The following JUP variants were observed in gnomAD, a reference collection of about 807,000 sequenced individuals.
JUP encodes junction plakoglobin, also known as catenin (cadherin-associated protein), gamma 80kDa.
JUP carries 28 observed loss-of-function variants against 71.1 expected under a neutral mutation model. That is an observed-to-expected ratio of 0.39 (90% CI 0.29 to 0.54). The LOEUF is 0.54. Among genes scored for constraint, JUP ranks in the 20% least tolerant of loss-of-function variants. JUP has a pLI of 0.62. For missense variants in JUP, 869 were observed against 1,030.1 expected (o/e 0.84, Z 2.14); for synonymous variants, 401 against 438.9 (o/e 0.91, Z 1.08).
At chr17:41,758,053 C>G (rs1466110460) in intron 10 of JUP, 1 of 553,468 alleles carries the variant, frequency 1.8e-6, no homozygotes, top group South Asian at 2.5e-5. Context: ...CTCTTCTTGT[C>G]TGTTATGGTA....
Position 41,769,175 on chromosome 17 carries a change from G to T in JUP, c.501C>A (p.Asn167Lys). 2 of 1,603,078 alleles carry T rather than the reference G, an allele frequency of 1.2e-6. No homozygotes were observed. Among genetic ancestry groups the T allele is most frequent in the Non-Finnish European group, 1.7e-6 (2 of 1,179,956 alleles). The change falls in exon 4 of 14, where the codon AAC (asparagine) becomes AAA (lysine). Residue 167 changes from asparagine (N) to lysine (K), a missense_variant. Physicochemically the swap from Asn to Lys is moderately conservative, Grantham distance 94. Coordinates refer to ENST00000393931, the MANE Select transcript of JUP (RefSeq NM_002230.4). ...VVVTKAAMIVNQLSKKEASRR... is the reference protein window; with the variant it reads ...VVVTKAAMIVKQLSKKEASRR... ...GCGACGCCTCCTTCTTCGACAGCTGGTTCACAATCATGGCCGCCTTGGTCA... is the reference window on the plus strand; with the variant it reads ...GCGACGCCTCCTTCTTCGACAGCTGTTTCACAATCATGGCCGCCTTGGTCA...
At chr17:41,778,691 CA>C (rs2047003406) in intron 1 of JUP, among the ~76,000 whole-genome samples, 2 of 151,628 alleles carry the variant, frequency 1.3e-5, no homozygotes. Flanking sequence ...GCGGGCGGAT[CA>C]CGAGGTCAGG....
At chr17:41,756,671 G>A (rs1328872624) in intron 12 of JUP, among the ~76,000 whole-genome samples, 3 of 152,038 alleles carry the variant, frequency 2.0e-5, no homozygotes, top group Non-Finnish European at 4.4e-5. Flanking sequence ...GGCCAAGGCG[G>A]GCGGATCACA....
In JUP at chr17:41,755,136, A is replaced by T; in HGVS notation, c.*608T>A. On this transcript the variant is annotated 3_prime_UTR_variant, in exon 14 of 14. Transcript: ENST00000393931. The stretch of plus-strand genomic sequence containing the variant: ...AACCAAAGCCCTTCCGGGCCCAGGC[A>T]GCTGGAGACAGGGAGGCTGGAGGTT... 1 of 397,806 alleles carries T rather than the reference A, an allele frequency of 2.5e-6. No individual in the cohort carries two copies. Among genetic ancestry groups the T allele is most frequent in the Non-Finnish European group, 4.4e-6 (1 of 225,992 alleles). The allele number at this position is 397,806 out of a possible 1,614,324, so 24.6% of individuals were successfully genotyped here.
At chr17:41,764,408 G>C (rs112669690) in intron 7 of JUP, among the ~76,000 whole-genome samples, 6 of 152,056 alleles carry the variant, frequency 3.9e-5, no homozygotes, top group African/African-American at 1.2e-4. Flanking sequence ...GATGGCAGGT[G>C]CCTGTAGTCC....
At position 41,763,118 on chromosome 17, in the gene JUP, A is replaced by C; in HGVS notation, c.1362T>G (p.Pro454=). Residue 454 remains proline, a synonymous_variant, in exon 8 of 14, where the codon CCT becomes CCG. Coordinates refer to ENST00000393931, the MANE Select transcript of JUP (RefSeq NM_002230.4). ...TGAGGTGGCGCAGAGCGCAGACGGC[A>C]GGCTCCGTGATGTCGTCCTTGTCAC... ...RAGDKDDITE[P]AVCALRHLTS... 6.2e-7 allele frequency: 1 copy of C among 1,614,220 alleles called. No homozygotes were observed. The highest frequency in any genetic ancestry group is 8.5e-7 in the Non-Finnish European group (1 of 1,180,030).
Position 41,769,688 on chromosome 17 carries a change from T to G in JUP, c.209-11A>C. On this transcript the variant is annotated splice_polypyrimidine_tract_variant and intron_variant, in intron 2 of 13. Coordinates refer to ENST00000393931, the MANE Select transcript of JUP (RefSeq NM_002230.4). ...GGTACTCCAGATCACCTGGGGGCCA[T>G]GGGGACAGGGACTGAGTGCAGGCAG... 1 of 1,606,944 alleles carries G rather than the reference T, an allele frequency of 6.2e-7. No individual in the cohort carries two copies. Among genetic ancestry groups the G allele is most frequent in the Admixed American group, 1.7e-5 (1 of 59,174 alleles).
chr17:41,771,719 C>T lies in JUP; in HGVS notation c.136G>A (p.Asp46Asn), dbSNP rs782308879. 4.3e-6 allele frequency: 7 copies of T among 1,614,164 alleles called. No individual in the cohort carries two copies. The South Asian group carries it at 7.7e-5, about 18-fold the overall frequency. The change falls in exon 2 of 14, where the codon GAT becomes AAT. Residue 46 changes from aspartate to asparagine, a missense_variant. Coordinates refer to ENST00000393931, the MANE Select transcript of JUP (RefSeq NM_002230.4). Reference protein sequence around the residue: ...SVSSKGIMEEDEACGRQYTLK... With the variant: ...SVSSKGIMEENEACGRQYTLK... ...GTGTACTGGCGCCCGCAGGCCTCATCCTCCTCCATGATGCCCTTGCTGCTG... is the reference window on the plus strand; with the variant it reads ...GTGTACTGGCGCCCGCAGGCCTCATTCTCCTCCATGATGCCCTTGCTGCTG...
intron 10 of JUP, 140 bp downstream of exon 10, chr17:41,758,259 A>G (rs1339591624): frequency 9.5e-7 from 1 of 1,048,564 alleles, no homozygotes; most frequent in Admixed American, 2.0e-5. Context: ...CTAAGTAGTC[A>G]ATCTGGAGTG....
chr17:41,772,966 C>T, intron 1 of JUP: 9 of 985,568 alleles, frequency 9.1e-6, no homozygotes, highest in Non-Finnish European at 1.1e-5. Flanking sequence ...TGAGGGCCTA[C>T]TACGAGCCAG....
intron 7 of JUP, among the ~76,000 whole-genome samples, 177 bp downstream of exon 7, chr17:41,764,536 A>G (rs1338776190): frequency 6.8e-6 from 1 of 147,958 alleles, no homozygotes; most frequent in Non-Finnish European, 1.5e-5. Context: ...CTCCGTCAGA[A>G]AAAAAAAAAA....
At chr17:41,762,176 A>AGAGTGT (rs1914988239) in intron 8 of JUP, among the ~76,000 whole-genome samples, 6 of 44,832 alleles carry the variant, frequency 1.3e-4, no homozygotes, top group Admixed American at 3.3e-4. Flanking sequence ...AGAGAGAGAG[A>AGAGTGT]GTGTGTGTGT....
chr17:41,759,297 A>G (rs1914417138), intron 8 of JUP, among the ~76,000 whole-genome samples: 2 of 151,742 alleles, frequency 1.3e-5, no homozygotes, highest in African/African-American at 2.4e-5. Context: ...CTGGCCTCGA[A>G]CCCCTGACCT....
chr17:41,763,276 C>T lies in JUP; in HGVS notation c.1204G>A (p.Val402Met), dbSNP rs782241125. The change falls in exon 8 of 14, where the codon GTG (valine) becomes ATG (methionine). Residue 402 changes from valine (V) to methionine (M), a missense_variant. Coordinates refer to ENST00000393931, the MANE Select transcript of JUP (RefSeq NM_002230.4). The stretch of plus-strand genomic sequence containing the variant: ...CAGGTGAGGACGTTGACGTCATCCA[C>T]ACTCAGCTGATTCACCAGAATCTTC... ...VLKILVNQLS[V>M]DDVNVLTCAT... is the part of the protein sequence containing the mutation. The T allele has an allele frequency of 1.7e-5, 27 of 1,614,080 alleles. No homozygotes were observed. In the Admixed American group the frequency reaches 4.5e-4, roughly 27 times the overall value.
chr17:41,760,540 G>A (rs1914646417), intron 8 of JUP, among the ~76,000 whole-genome samples: 1 of 151,196 alleles, frequency 6.6e-6, no homozygotes, highest in East Asian at 1.9e-4. Flanking sequence ...TTACAGGCGT[G>A]AGCCACCACG....
rs561484928 is a variant in JUP at position 41,757,645 on chromosome 17, T to C, written c.1913A>G (p.Asn638Ser). 1 of 1,613,742 alleles carries C rather than the reference T, an allele frequency of 6.2e-7. No homozygotes were observed. The highest frequency in any genetic ancestry group is 2.2e-5 in the East Asian group (1 of 44,874). ...APLMELLHSR[N>S]EGTATYAAAV... ...CTCCCCCAGCTCACCAGTGCCCTCG[T>C]TGCGGGAGTGCAGCAACTCCATGAG... Residue 638 changes from asparagine to serine, a missense_variant, in exon 11 of 14, where the codon AAC (asparagine) becomes AGC (serine). Asn to Ser is a conservative substitution (Grantham distance 46). Coordinates refer to ENST00000393931, the MANE Select transcript of JUP (RefSeq NM_002230.4).
At chr17:41,773,039 G>T (rs1003320916) in intron 1 of JUP, 2 of 968,610 alleles carry the variant, frequency 2.1e-6, no homozygotes, top group Non-Finnish European at 1.2e-6. Context: ...GGTCCCCCGC[G>T]TACAGATGCA....
rs782512979 is a variant in JUP at position 41,763,163 on chromosome 17, G to A, written c.1317C>T (p.Ile439=). The A allele has an allele frequency of 8.1e-6, 13 of 1,614,266 alleles. No homozygotes were observed. In the South Asian group the frequency reaches 1.4e-4, roughly 18 times the overall value. ...VTQNSGVEAL[I]HAILRAGDKD... ...TGTCACCAGCACGCAGGATGGCATG[G>A]ATGAGAGCCTCCACACCGCTGTTCT... Residue 439 remains isoleucine, a synonymous_variant, in exon 8 of 14, where the codon ATC becomes ATT. Coordinates refer to ENST00000393931, the MANE Select transcript of JUP (RefSeq NM_002230.4).
chr17:41,781,934 C>T (rs555380318), intron 1 of JUP, among the ~76,000 whole-genome samples: 4 of 152,192 alleles, frequency 2.6e-5, no homozygotes, highest in Non-Finnish European at 4.4e-5. Flanking sequence ...ACCTCATGCC[C>T]TCTTTGTAGT....
Sources: gnomAD v4.1 joint callset for allele counts (sites outside exome capture counted in the v4.1 genomes callset) on GRCh38, gnomAD v4.1.1 for gene constraint, MANE v1.5 for transcripts, NCBI Gene and HGNC (gene_info 2026-07-23, HGNC 2026-07-21) for gene names.